CEP290: variants seen among roughly 807,000 people sequenced by gnomAD.
The protein encoded by CEP290 is centrosomal protein of 290 kDa.
CEP290 carries 317 observed loss-of-function variants against 344.9 expected under a neutral mutation model. The observed-to-expected ratio is 0.92, with a 90% CI of 0.84 to 1.01. The LOEUF is 1.01. Ranked by LOEUF, CEP290 falls within the 50% of genes least tolerant of loss-of-function variation. The probability of loss-of-function intolerance (pLI) is 0.00; values close to 1 mark genes in which losing one functional copy is unlikely to be tolerated. For synonymous variants in CEP290, 932 were observed against 895.8 expected (o/e 1.04, Z -0.72); for missense variants, 2,754 against 2,761.4 (o/e 1.00, Z 0.06).
chr12:88,133,622 C>T (rs1181165328), intron 6 of CEP290, among the ~76,000 whole-genome samples: 2 of 152,026 alleles, frequency 1.3e-5, no homozygotes, highest in Non-Finnish European at 2.9e-5. Context: ...TCTAGATCTT[C>T]GAGGAATTGC....
At chr12:88,125,391 T>C (rs1409193080) in intron 12 of CEP290, 22 bp from the exon 13 acceptor site, 1 of 1,177,018 alleles carries the variant, frequency 8.5e-7, no homozygotes, top group Non-Finnish European at 1.1e-6. Flanking sequence ...TTTAAAACAA[T>C]ATATATCCCT....
Position 88,086,486 on chromosome 12 carries a change from TTTC to T in CEP290, c.4204_4206del (p.Glu1402del). 1 of 1,592,096 alleles carries T rather than the reference TTTC, an allele frequency of 6.3e-7. No individual in the cohort carries two copies. The highest frequency in any genetic ancestry group is 1.1e-5 in the South Asian group (1 of 87,864). On this transcript the variant is annotated inframe_deletion, in exon 33 of 54. Coordinates refer to ENST00000552810, the MANE Select transcript of CEP290 (RefSeq NM_025114.4). ...TCTCTTTGATCCCAGGCCATTTGTC[TTTC>T]TTCATGAAACTAAAAAAAGGACAAT...
rs1055879911 is a variant in CEP290 at position 88,130,649 on chromosome 12, C to CA, written c.496-85dup. 1.1e-3 allele frequency: 1,509 copies of CA among 1,316,052 alleles called. 1 individual carries two copies. Among genetic ancestry groups the CA allele is most frequent in the Non-Finnish European group, 1.3e-3 (1,306 of 1,000,354 alleles). 81.5% of individuals were successfully genotyped at this position (1,316,052 alleles called of 1,614,324 possible). On this transcript the variant is annotated intron_variant, in intron 7 of 53. Coordinates refer to ENST00000552810, the MANE Select transcript of CEP290 (RefSeq NM_025114.4). The stretch of plus-strand genomic sequence containing the variant: ...AATAATAATCAGAAACTAAAGAAAA[C>CA]AAAAAAATTTTGGGAAAATGATGCA...
chr12:88,104,989 T>C (rs983528686), intron 25 of CEP290, among the ~76,000 whole-genome samples: 1 of 152,180 alleles, frequency 6.6e-6, no homozygotes, highest in Non-Finnish European at 1.5e-5. Flanking sequence ...GGTTTAAATA[T>C]ATACATATTT....
chr12:88,102,556 T>C (rs1474766173), intron 26 of CEP290, among the ~76,000 whole-genome samples: 1 of 152,176 alleles, frequency 6.6e-6, no homozygotes, highest in Non-Finnish European at 1.5e-5. Flanking sequence ...AGAGGTTTGA[T>C]TCAGCTAAAT....
intron 18 of CEP290, chr12:88,115,409 C>A: frequency 9.6e-7 from 1 of 1,039,256 alleles, no homozygotes; most frequent in South Asian, 1.4e-5. Context: ...TGGTAAGAGG[C>A]AAAAAGATAT....
rs761705359 is a variant in CEP290 at position 88,114,527 on chromosome 12, C to T, written c.1945G>A (p.Glu649Lys). 4.0e-5 allele frequency: 62 copies of T among 1,538,862 alleles called. No homozygotes were observed. In the East Asian group the frequency reaches 4.4e-4, roughly 11 times the overall value. Residue 649 changes from glutamate (E) to lysine (K), a missense_variant, in exon 20 of 54, where the codon GAA becomes AAA. By Grantham distance (56) the Glu-to-Lys change is moderately conservative (BLOSUM62 1). Coordinates refer to ENST00000552810, the MANE Select transcript of CEP290 (RefSeq NM_025114.4). ...GCTTGCAATATTTCTTTCATACCTT[C>T]TTCAAGTTGCTTATTTTCTTCAACT... The part of the protein sequence containing the change: ...ELVEENKQLE[E>K]GMKEILQAIK...
rs775682517 is a variant in CEP290, at chr12:88,083,871, T to C, written c.4788A>G (p.Leu1596=). Residue 1596 remains leucine, a synonymous_variant, in exon 36 of 54, where the codon CTA becomes CTG. Transcript: ENST00000552810. ...CCCAAGCCGTTTGTTTGAATTTATTTAGTGAACTATCAGCCTGTAGTTCTA... is the reference window on the plus strand; with the variant it reads ...CCCAAGCCGTTTGTTTGAATTTATTCAGTGAACTATCAGCCTGTAGTTCTA... The part of the protein sequence containing the change: ...HRLELQADSS[L]NKFKQTAWDL... 4 of 1,585,206 alleles carry C rather than the reference T, an allele frequency of 2.5e-6. No homozygotes were observed. Among genetic ancestry groups the C allele is most frequent in the Non-Finnish European group, 3.4e-6 (4 of 1,164,950 alleles).
intron 45 of CEP290, among the ~76,000 whole-genome samples, chr12:88,063,142 CAAAAA>C (rs11314427): frequency 1.5e-5 from 2 of 129,782 alleles, no homozygotes; most frequent in East Asian, 2.1e-4. Context: ...GAAGCAGTAC[CAAAAA>C]AAAAAAAAAG....
At chr12:88,060,426 G>A (rs1054465839) in intron 47 of CEP290, among the ~76,000 whole-genome samples, 1 of 152,174 alleles carries the variant, frequency 6.6e-6, no homozygotes, top group Non-Finnish European at 1.5e-5. Context: ...AGGCGTGGTG[G>A]TGGGCACCTG....
rs144237016 is a variant in CEP290 at position 88,092,070 on chromosome 12, G to A, written c.3461+611C>T. On this transcript the variant is annotated intron_variant, in intron 29 of 53. Transcript: ENST00000552810. ...TGGGGCTACAGGCACATGTCACCAC[G>A]CCCAGCCAGCACGCAGTATTTACTC... Among the ~76,000 whole-genome samples, 494 of 152,048 alleles carry A rather than the reference G, an allele frequency of 3.2e-3. 5 individuals carry two copies. The highest frequency in any genetic ancestry group is 0.011 in the African/African-American group (474 of 41,498).
chr12:88,094,690 A>T (rs1401138363), intron 27 of CEP290, among the ~76,000 whole-genome samples: 1 of 151,926 alleles, frequency 6.6e-6, no homozygotes, highest in African/African-American at 2.4e-5. Context: ...GGAAGAAAAC[A>T]TACTTTTGCT....
chr12:88,111,278 T>A lies in CEP290; in HGVS notation c.2291A>T (p.Asp764Val), dbSNP rs2038669334. Residue 764 changes from aspartate to valine, a missense_variant, in exon 22 of 54, where the codon GAC becomes GTC. Asp to Val is a radical substitution (Grantham distance 152). Coordinates refer to ENST00000552810, the MANE Select transcript of CEP290 (RefSeq NM_025114.4). ...AGATGGTGCTATCCCATCAGGTAAG[T>A]CAATTCCTTTAAAAACAACATTTGA... ...EGSNVVFKGI[D>V]LPDGIAPSSA... 1.3e-6 allele frequency: 2 copies of A among 1,553,848 alleles called. No homozygotes were observed. Among genetic ancestry groups the A allele is most frequent in the African/African-American group, 2.7e-5 (2 of 73,270 alleles).
rs1443228232 is a variant in CEP290 at position 88,089,293 on chromosome 12, T to C, written c.3768A>G (p.Gly1256=). Residue 1256 remains glycine (G), a synonymous_variant, in exon 31 of 54, where the codon GGA becomes GGG. Transcript: ENST00000552810. ...GGCGCAGATGTTTTGCTCTGTTTCT[T>C]CCCTCCAAACGAGCATAATAGAGAG... ...EQALYYARLE[G]RNRAKHLRQT... 6.2e-7 allele frequency: 1 copy of C among 1,613,970 alleles called. No individual in the cohort carries two copies. Among genetic ancestry groups the C allele is most frequent in the East Asian group, 2.2e-5 (1 of 44,866 alleles).
chr12:88,093,285 G>C (rs2037182219), intron 28 of CEP290, among the ~76,000 whole-genome samples: 1 of 152,064 alleles, frequency 6.6e-6, no homozygotes, highest in Admixed American at 6.5e-5. Flanking sequence ...TAAGAGTTGT[G>C]TTTAATCATA....
chr12:88,055,600 T>C lies in CEP290; in HGVS notation c.6936A>G (p.Lys2312=). 6.3e-7 allele frequency: 1 copy of C among 1,580,232 alleles called. No homozygotes were observed. Among genetic ancestry groups the C allele is most frequent in the African/African-American group, 1.3e-5 (1 of 74,382 alleles). Residue 2312 remains lysine, a synonymous_variant, in exon 50 of 54, where the codon AAA becomes AAG. Coordinates refer to ENST00000552810, the MANE Select transcript of CEP290 (RefSeq NM_025114.4). The part of the protein sequence containing the change: ...EATEREQKVN[K]YNEDLEQQIK... ...CCTGTTGTTCAAGGTCTTCATTGTATTTGTTAACTTTTTGTTCTCTCTCTG... is the reference window on the plus strand; with the variant it reads ...CCTGTTGTTCAAGGTCTTCATTGTACTTGTTAACTTTTTGTTCTCTCTCTG...
chr12:88,071,402 C>T lies in CEP290; in HGVS notation c.5903G>A (p.Gly1968Asp). The change falls in exon 43 of 54, where the codon GGC becomes GAC. Residue 1968 changes from glycine (G) to aspartate (D), a missense_variant. Transcript: ENST00000552810. ...LTLQRKLKTT[G>D]MTVDQVLGIR... ...TCCCAAAACCTGATCAACAGTCATG[C>T]CAGTTGTTTTTAGTTTCCTCTGCAA... is the stretch of plus-strand genomic sequence containing the variant. The T allele has an allele frequency of 6.2e-7, 1 of 1,611,090 alleles. No homozygotes were observed. Among genetic ancestry groups the T allele is most frequent in the Admixed American group, 1.7e-5 (1 of 59,706 alleles).
At chr12:88,123,624 A>G (rs1176898733) in intron 13 of CEP290, among the ~76,000 whole-genome samples, 1 of 152,038 alleles carries the variant, frequency 6.6e-6, no homozygotes, top group African/African-American at 2.4e-5. Context: ...CAGCTGCTAA[A>G]GTAGAAGCTC....
chr12:88,096,732 T>A (rs528986307), intron 27 of CEP290, among the ~76,000 whole-genome samples, 156 bp downstream of exon 27: 2 of 152,292 alleles, frequency 1.3e-5, no homozygotes, highest in African/African-American at 4.8e-5. Context: ...AAGTACAGGA[T>A]TATTCATCTG....
Sources: gnomAD v4.1 joint callset for allele counts (sites outside exome capture counted in the v4.1 genomes callset) on GRCh38, gnomAD v4.1.1 for gene constraint, MANE v1.5 for transcripts, NCBI Gene and HGNC (gene_info 2026-07-23, HGNC 2026-07-21) for gene names.